Variants in CCSER1 observed in about 807,000 individuals in gnomAD.
The protein encoded by CCSER1 is serine-rich coiled-coil domain-containing protein 1.
A neutral mutation model predicts 82.0 loss-of-function variants in CCSER1; 41 were observed. The observed-to-expected ratio is 0.50, with a 90% confidence interval of 0.39 to 0.65. The LOEUF is 0.65. Among genes scored for constraint, CCSER1 ranks in the 30% least tolerant of loss-of-function variants. The pLI is 0.00. For missense variants in CCSER1, 1,119 were observed against 1,064.2 expected, an observed-to-expected ratio of 1.05 and a Z score of -0.72; for synonymous variants, 414 against 383.9, an observed-to-expected ratio of 1.08 and a Z score of -0.92.
At chr4:91,157,138 T>C (rs1730897912) in intron 10 of CCSER1, among the ~76,000 whole-genome samples, 1 of 151,930 alleles carries the variant, frequency 6.6e-6, no homozygotes, top group Non-Finnish European at 1.5e-5. Context: ...ATTTGCCCTC[T>C]AGAAAAATAA....
At chr4:90,156,698 C>G (rs1327657554) in intron 1 of CCSER1, among the ~76,000 whole-genome samples, 3 of 152,062 alleles carry the variant, frequency 2.0e-5, no homozygotes, top group Non-Finnish European at 4.4e-5. Context: ...ATTGCAACCC[C>G]TGCCTTTTTT....
At chr4:90,340,130 C>G (rs112822850) in intron 3 of CCSER1, among the ~76,000 whole-genome samples, 1 of 151,894 alleles carries the variant, frequency 6.6e-6, no homozygotes, top group South Asian at 2.1e-4. Flanking sequence ...GGTTTTCTGC[C>G]GTTGGAATAG....
chr4:91,054,528 C>T (rs1477272993), intron 9 of CCSER1, among the ~76,000 whole-genome samples: 1 of 151,488 alleles, frequency 6.6e-6, no homozygotes, highest in African/African-American at 2.4e-5. Context: ...ATATAGTCAC[C>T]CTTGCTCTCT....
chr4:90,529,254 A>C (rs1774184243), intron 5 of CCSER1, among the ~76,000 whole-genome samples: 1 of 151,790 alleles, frequency 6.6e-6, no homozygotes, highest in African/African-American at 2.4e-5. Context: ...TCACTCTGTC[A>C]CTGGGGCTGG....
Position 91,599,342 on chromosome 4 carries a change from TA to T in CCSER1, c.*286del, listed in dbSNP as rs1315808640. The T allele has an allele frequency of 7.9e-6, 2 of 251,734 alleles. No individual in the cohort carries two copies. Among genetic ancestry groups the T allele is most frequent in the African/African-American group, 4.6e-5 (2 of 43,340 alleles). The allele number at this position is 251,734 out of a possible 1,614,324, so 15.6% of individuals were successfully genotyped here. On this transcript the variant is annotated 3_prime_UTR_variant, in exon 11 of 11. Transcript: ENST00000509176. ...ATGATCGTTTATATAGTCCATAATT[TA>T]TTTATTTTTTATCTCTATCACTTAC...
intron 9 of CCSER1, among the ~76,000 whole-genome samples, chr4:91,033,406 T>C (rs912348981): frequency 1.3e-5 from 2 of 148,560 alleles, no homozygotes; most frequent in East Asian, 3.9e-4. Flanking sequence ...ATATCCCACT[T>C]CTCTCTTCCT....
At chr4:90,317,412 G>C (rs1162022631) in intron 3 of CCSER1, among the ~76,000 whole-genome samples, 3 of 152,116 alleles carry the variant, frequency 2.0e-5, no homozygotes, top group Non-Finnish European at 4.4e-5. Context: ...AGGAGTTCAA[G>C]ACCAGCGTGG....
chr4:90,981,845 A>G (rs1736142892), intron 9 of CCSER1, among the ~76,000 whole-genome samples: 1 of 151,784 alleles, frequency 6.6e-6, no homozygotes, highest in South Asian at 2.1e-4. Flanking sequence ...AAACATTTTT[A>G]TAGGTGCCTT....
intron 9 of CCSER1, among the ~76,000 whole-genome samples, chr4:91,082,757 A>G (rs535386448): frequency 2.6e-4 from 39 of 152,284 alleles, no homozygotes; most frequent in African/African-American, 9.1e-4. Flanking sequence ...GAAGGATATG[A>G]ACAGACACTT....
intron 10 of CCSER1, among the ~76,000 whole-genome samples, chr4:91,596,172 GA>G (rs1268066549): frequency 2.0e-5 from 3 of 151,854 alleles, no homozygotes; most frequent in Non-Finnish European, 4.4e-5. Flanking sequence ...TGAATTATTT[GA>G]TCCTTTTCAA....
At chr4:90,536,033 T>A (rs1579027247) in intron 5 of CCSER1, among the ~76,000 whole-genome samples, 1 of 144,352 alleles carries the variant, frequency 6.9e-6, no homozygotes, top group African/African-American at 2.6e-5. Context: ...TTCTTTCTGT[T>A]TTTTTTTTTT....
At chr4:90,592,898 T>A (rs961345540) in intron 5 of CCSER1, among the ~76,000 whole-genome samples, 1 of 152,116 alleles carries the variant, frequency 6.6e-6, no homozygotes, top group Non-Finnish European at 1.5e-5. Flanking sequence ...CTTGAGAAAA[T>A]CTCACTCTTG....
At chr4:90,551,121 T>G (rs1777424865) in intron 5 of CCSER1, among the ~76,000 whole-genome samples, 1 of 152,178 alleles carries the variant, frequency 6.6e-6, no homozygotes, top group African/African-American at 2.4e-5. Flanking sequence ...AAATTTTATG[T>G]CATAAATTTA....
At chr4:90,354,053 C>T (rs904880356) in intron 3 of CCSER1, among the ~76,000 whole-genome samples, 6 of 151,902 alleles carry the variant, frequency 3.9e-5, no homozygotes, top group African/African-American at 1.5e-4. Context: ...TATATGTGCA[C>T]CAATGGATAA....
chr4:91,531,303 T>C (rs1227763469), intron 10 of CCSER1, among the ~76,000 whole-genome samples: 1 of 152,206 alleles, frequency 6.6e-6, no homozygotes, highest in East Asian at 1.9e-4. Flanking sequence ...ATATAAAATG[T>C]TAATTTTCCT....
intron 1 of CCSER1, among the ~76,000 whole-genome samples, chr4:90,278,721 G>A (rs778293420): frequency 6.6e-6 from 1 of 151,910 alleles, no homozygotes. Flanking sequence ...TTTCCTCTTG[G>A]GTACTATGCT....
chr4:91,246,721 C>T (rs1471686959), intron 10 of CCSER1, among the ~76,000 whole-genome samples: 2 of 151,984 alleles, frequency 1.3e-5, no homozygotes, highest in African/African-American at 4.8e-5. Context: ...GCGGTTATTA[C>T]ATATTGCATG....
At position 91,077,808 on chromosome 4, in the gene CCSER1, G is replaced by T. The variant is rs117079178; in HGVS notation, c.2173-8142G>T. ...CACCAGGAGATTATATCCCACACCT[G>T]GTTCAGAGGGCCCCATGGCCATGGA... On this transcript the variant is annotated intron_variant, in intron 9 of 10. Coordinates refer to ENST00000509176, the MANE Select transcript of CCSER1 (RefSeq NM_001145065.2). 1.5e-3 allele frequency among the ~76,000 whole-genome samples: 230 copies of T among 152,368 alleles called. 7 individuals carry two copies. The East Asian group carries it at 0.04, about 26-fold the overall frequency.
chr4:90,296,519 G>A (rs1044956360), intron 1 of CCSER1, among the ~76,000 whole-genome samples: 1 of 152,046 alleles, frequency 6.6e-6, no homozygotes, highest in Admixed American at 6.6e-5. Context: ...TGTCAATTTT[G>A]GCTTTTGTTG....
Sources: gnomAD v4.1 joint callset for allele counts (sites outside exome capture counted in the v4.1 genomes callset) on GRCh38, gnomAD v4.1.1 for gene constraint, MANE v1.5 for transcripts, NCBI Gene and HGNC (gene_info 2026-07-23, HGNC 2026-07-21) for gene names.